The following CHD9 variants were observed in gnomAD, a reference collection of about 807,000 sequenced individuals.
The protein encoded by CHD9 is chromodomain helicase DNA binding protein 9.
Under a neutral mutation model 316.1 loss-of-function variants are expected in CHD9, and 77 were observed. The observed-to-expected ratio is 0.24, with a 90% CI of 0.20 to 0.29. CHD9 has a LOEUF of 0.29. Ranked by LOEUF, CHD9 falls within the 10% of genes least tolerant of loss-of-function variation. The pLI, the probability that CHD9 is intolerant of heterozygous loss-of-function variation, is 1.00. For synonymous variants in CHD9, 1,129 were observed against 1,158.3 expected (o/e 0.97, Z 0.51); for missense variants, 2,763 against 3,438.1 (o/e 0.80, Z 4.91).
intron 1 of CHD9, among the ~76,000 whole-genome samples, chr16:53,070,535 C>T (rs866866350): frequency 4.9e-3 from 88 of 17,788 alleles, no homozygotes; most frequent in African/African-American, 0.024. Context: ...CTTCCTTCCT[C>T]TCTCTCTCTC....
chr16:53,113,736 TA>T (rs536821028), intron 1 of CHD9, among the ~76,000 whole-genome samples: 2 of 151,576 alleles, frequency 1.3e-5, no homozygotes, highest in East Asian at 1.9e-4. Context: ...TCTGTCATTC[TA>T]AAAAAAAATC....
intron 12 of CHD9, among the ~76,000 whole-genome samples, chr16:53,241,948 G>A (rs1039743393): frequency 3.3e-5 from 5 of 152,154 alleles, no homozygotes; most frequent in Non-Finnish European, 7.3e-5. Context: ...TTCAAGTCCC[G>A]CAGTCGGCTG....
chr16:53,160,937 C>T (rs971380699), intron 2 of CHD9, among the ~76,000 whole-genome samples: 1 of 151,842 alleles, frequency 6.6e-6, no homozygotes, highest in African/African-American at 2.4e-5. Flanking sequence ...AGTCTGTTCT[C>T]GACCAGGTGC....
At chr16:53,080,271 C>G (rs1275061583) in intron 1 of CHD9, among the ~76,000 whole-genome samples, 2 of 152,130 alleles carry the variant, frequency 1.3e-5, no homozygotes, top group East Asian at 3.8e-4. Context: ...TTATTAACCA[C>G]TTTTTCTGGT....
chr16:53,216,078 T>C (rs1448145607), intron 3 of CHD9, among the ~76,000 whole-genome samples: 1 of 152,198 alleles, frequency 6.6e-6, no homozygotes, highest in Non-Finnish European at 1.5e-5. Flanking sequence ...AGCTTTTTAT[T>C]ATTAATATAT....
chr16:53,080,178 A>G (rs749613129), intron 1 of CHD9, among the ~76,000 whole-genome samples: 1 of 152,220 alleles, frequency 6.6e-6, no homozygotes, highest in Non-Finnish European at 1.5e-5. Context: ...GAAAAGACCC[A>G]CACATTTGTT....
At position 53,304,268 on chromosome 16, in the gene CHD9, G is replaced by T; in HGVS notation, c.6262G>T (p.Ala2088Ser). Residue 2088 changes from alanine to serine, a missense_variant, in exon 31 of 39, where the codon GCT (alanine) becomes TCT (serine). Transcript: ENST00000447540. ...TCCAAAGAATGGTGTTTTACCACAGGCTACTGGAGACCAGAAATCTGGTGG... is the reference window on the plus strand; with the variant it reads ...TCCAAAGAATGGTGTTTTACCACAGTCTACTGGAGACCAGAAATCTGGTGG... ...VSPKNGVLPQ[A>S]TGDQKSGGKC... 6.2e-7 allele frequency: 1 copy of T among 1,611,324 alleles called. No individual in the cohort carries two copies. Among genetic ancestry groups the T allele is most frequent in the Non-Finnish European group, 8.5e-7 (1 of 1,179,388 alleles).
chr16:53,146,413 G>GTTTA (rs1361043895), intron 1 of CHD9, among the ~76,000 whole-genome samples: 1 of 24,486 alleles, frequency 4.1e-5, no homozygotes, highest in Non-Finnish European at 7.5e-5. Flanking sequence ...TTGTGTGTGT[G>GTTTA]TGTATGTATA....
chr16:53,323,804 C>T (rs182064016), intron 38 of CHD9, among the ~76,000 whole-genome samples: 8 of 152,232 alleles, frequency 5.3e-5, no homozygotes, highest in African/African-American at 1.9e-4. Flanking sequence ...GACCTCTTTA[C>T]TCACTTATTC....
intron 1 of CHD9, among the ~76,000 whole-genome samples, chr16:53,152,118 G>A (rs62048015): frequency 1.3e-5 from 2 of 151,852 alleles, no homozygotes; most frequent in Non-Finnish European, 2.9e-5. Context: ...GCATTTGCTC[G>A]TCTTGATTGT....
At chr16:53,178,427 CTTTTTTTTTTTT>C (rs10569589) in intron 2 of CHD9, among the ~76,000 whole-genome samples, 1 of 98,974 alleles carries the variant, frequency 1.0e-5, no homozygotes, top group African/African-American at 3.6e-5. Flanking sequence ...TTGTTGGTTT[CTTTTTTTTTTTT>C]TTTTTTTTTT....
At chr16:53,098,012 C>T (rs2036525494) in intron 1 of CHD9, among the ~76,000 whole-genome samples, 1 of 151,650 alleles carries the variant, frequency 6.6e-6, no homozygotes. Context: ...CCCAGCTACT[C>T]AGGAGGTTGA....
intron 1 of CHD9, among the ~76,000 whole-genome samples, chr16:53,128,787 C>T (rs1348980445): frequency 6.6e-6 from 1 of 152,114 alleles, no homozygotes; most frequent in African/African-American, 2.4e-5. Context: ...ATTCACTGAC[C>T]AGTGAAAATA....
chr16:53,279,912 A>G (rs756600008), intron 24 of CHD9, among the ~76,000 whole-genome samples: 2 of 152,230 alleles, frequency 1.3e-5, no homozygotes, highest in African/African-American at 4.8e-5. Context: ...GTCAACAAAC[A>G]TAAGAAAAAA....
Position 53,119,842 on chromosome 16 carries a change from A to G in CHD9, c.-164-36084A>G, listed in dbSNP as rs1567342969. Among the ~76,000 whole-genome samples the G allele has an allele frequency of 2.0e-5, 3 of 152,170 alleles. No homozygotes were observed. The East Asian group carries it at 5.8e-4, about 29-fold the overall frequency. ...GCGAAACTCCATACTGAAAAAAAAC[A>G]AAACAACAAAAACAAGTCAAGAAAT... On this transcript the variant is annotated intron_variant, in intron 1 of 38. Transcript: ENST00000447540.
chr16:53,180,510 G>A (rs185360331), intron 2 of CHD9, among the ~76,000 whole-genome samples: 6 of 152,142 alleles, frequency 3.9e-5, no homozygotes, highest in Admixed American at 3.9e-4. Flanking sequence ...ATGTATTTAG[G>A]GGAATTATAG....
chr16:53,112,738 G>C (rs1236565794), intron 1 of CHD9, among the ~76,000 whole-genome samples: 1 of 152,152 alleles, frequency 6.6e-6, no homozygotes, highest in African/African-American at 2.4e-5. Context: ...ACAAGGCCAG[G>C]CATAGTGGCT....
intron 1 of CHD9, among the ~76,000 whole-genome samples, chr16:53,134,381 G>T (rs569513253): frequency 6.6e-6 from 1 of 152,256 alleles, no homozygotes; most frequent in African/African-American, 2.4e-5. Context: ...ACTTATTTAC[G>T]TTGTAAATTT....
chr16:53,179,075 C>T (rs1411541278), intron 2 of CHD9, among the ~76,000 whole-genome samples: 2 of 152,134 alleles, frequency 1.3e-5, no homozygotes, highest in Admixed American at 1.3e-4. Context: ...ATGTGAATCA[C>T]TTAGAGTCAA....
Sources: gnomAD v4.1 joint callset for allele counts (sites outside exome capture counted in the v4.1 genomes callset) on GRCh38, gnomAD v4.1.1 for gene constraint, MANE v1.5 for transcripts, NCBI Gene and HGNC (gene_info 2026-07-23, HGNC 2026-07-21) for gene names.